Variants in KLF12 observed in about 807,000 individuals in gnomAD.
KLF12 encodes Krueppel-like factor 12.
Under a neutral mutation model 37.8 loss-of-function variants are expected in KLF12, and 9 were observed. The observed-to-expected ratio is 0.24, with a 90% confidence interval of 0.14 to 0.42. KLF12 has a LOEUF of 0.42. Among genes scored for constraint, KLF12 ranks in the 10% least tolerant of loss-of-function variants. The probability of loss-of-function intolerance (pLI) is 1.00; values close to 1 mark genes in which losing one functional copy is unlikely to be tolerated. For synonymous variants in KLF12, 208 were observed against 202.1 expected, an observed-to-expected ratio of 1.03 and a Z score of -0.25; for missense variants, 411 against 516.0, an observed-to-expected ratio of 0.80 and a Z score of 1.97.
the KLF12 span, among the ~76,000 whole-genome samples, chr13:74,305,881 A>G: frequency 6.6e-6 from 1 of 152,056 alleles, no homozygotes; most frequent in Non-Finnish European, 1.5e-5. Flanking sequence ...AACCCAGCCC[A>G]CATTAAAAAA....
chr13:73,850,389 G>C (rs1885270724), intron 3 of KLF12, among the ~76,000 whole-genome samples: 1 of 152,082 alleles, frequency 6.6e-6, no homozygotes, highest in Non-Finnish European at 1.5e-5. Flanking sequence ...AATGTCAAAT[G>C]AATCTAAAAC....
chr13:73,888,247 G>T (rs1373491165), intron 3 of KLF12, among the ~76,000 whole-genome samples: 2 of 152,060 alleles, frequency 1.3e-5, no homozygotes, highest in Admixed American at 6.6e-5. Context: ...CAAGTGATCT[G>T]CCTGCCCTAG....
At chr13:74,192,941 A>G in the KLF12 span, among the ~76,000 whole-genome samples, 6 of 151,650 alleles carry the variant, frequency 4.0e-5, no homozygotes, top group African/African-American at 1.5e-4. Context: ...TATCCTTAGA[A>G]TCAGATTGAA....
chr13:74,305,958 G>C, the KLF12 span, among the ~76,000 whole-genome samples: 10 of 152,040 alleles, frequency 6.6e-5, no homozygotes, highest in African/African-American at 2.4e-4. Context: ...TTAAGCAGGG[G>C]AAAAGGCTGG....
the KLF12 span, among the ~76,000 whole-genome samples, chr13:74,148,497 C>A: frequency 6.9e-6 from 1 of 145,330 alleles, no homozygotes; most frequent in Non-Finnish European, 1.5e-5. Flanking sequence ...CCCCCCCACC[C>A]CACCCCGCAC....
At chr13:73,794,531 A>C (rs1881858481) in intron 5 of KLF12, among the ~76,000 whole-genome samples, 1 of 152,202 alleles carries the variant, frequency 6.6e-6, no homozygotes. Context: ...TTTAGTACAG[A>C]AAACATTTAA....
chr13:74,021,696 G>A (rs73213097), intron 1 of KLF12, among the ~76,000 whole-genome samples: 3,362 of 152,198 alleles, frequency 0.022, 54 homozygotes, highest in Non-Finnish European at 0.032. Context: ...TCAGGAAGTC[G>A]CTTGCCAGTA....
the KLF12 span, among the ~76,000 whole-genome samples, chr13:74,169,001 C>T: frequency 1.3e-5 from 2 of 152,100 alleles, no homozygotes; most frequent in African/African-American, 4.8e-5. Flanking sequence ...CTGGAGACAG[C>T]AATGCTTTTA....
chr13:73,960,391 C>T (rs967092424), intron 2 of KLF12: 3 of 298,362 alleles, frequency 1.0e-5, no homozygotes, highest in South Asian at 8.6e-5. Context: ...TGTTTTCTCA[C>T]TTTTTAAAAT....
At chr13:73,962,492 G>T (rs1373970747) in intron 2 of KLF12, among the ~76,000 whole-genome samples, 3 of 152,188 alleles carry the variant, frequency 2.0e-5, no homozygotes, top group African/African-American at 7.2e-5. Context: ...GAATCACAAT[G>T]ATGTGTCAAC....
intron 3 of KLF12, among the ~76,000 whole-genome samples, chr13:73,897,001 G>A (rs2225099): frequency 0.051 from 7,798 of 152,086 alleles, 393 homozygotes; most frequent in African/African-American, 0.12. Flanking sequence ...GCAACAGGCC[G>A]GCAAAACTAA....
intron 5 of KLF12, among the ~76,000 whole-genome samples, chr13:73,779,475 G>C (rs61957284): frequency 0.015 from 2,240 of 152,346 alleles, 26 homozygotes; most frequent in Non-Finnish European, 0.021. Context: ...GGAGGATGGA[G>C]TGCCTGGAGA....
chr13:74,096,623 C>A (rs1787294591), intron 1 of KLF12, among the ~76,000 whole-genome samples: 1 of 152,116 alleles, frequency 6.6e-6, no homozygotes, highest in South Asian at 2.1e-4. Flanking sequence ...GTTTCTGTTT[C>A]CTAGGAAACT....
the KLF12 span, among the ~76,000 whole-genome samples, chr13:74,284,190 C>T: frequency 6.6e-6 from 1 of 151,972 alleles, no homozygotes; most frequent in South Asian, 2.1e-4. Context: ...TCCTTGGAGT[C>T]CTTGAAAATT....
the KLF12 span, among the ~76,000 whole-genome samples, chr13:74,196,690 C>A: frequency 6.6e-6 from 1 of 152,036 alleles, no homozygotes; most frequent in East Asian, 1.9e-4. Flanking sequence ...CCCAGTGGTA[C>A]CTTTTGTAGT....
At chr13:73,902,216 G>A (rs890516590) in intron 3 of KLF12, among the ~76,000 whole-genome samples, 3 of 152,152 alleles carry the variant, frequency 2.0e-5, no homozygotes, top group East Asian at 3.8e-4. Flanking sequence ...AAAGACTGAA[G>A]AACAGTTTTA....
At chr13:74,299,150 C>T in the KLF12 span, among the ~76,000 whole-genome samples, 6 of 152,072 alleles carry the variant, frequency 3.9e-5, no homozygotes, top group African/African-American at 9.7e-5. Flanking sequence ...ATGTTTTGGG[C>T]GGTTCAATAA....
intron 3 of KLF12, among the ~76,000 whole-genome samples, chr13:73,896,137 A>T (rs1887759834): frequency 6.6e-6 from 1 of 152,166 alleles, no homozygotes; most frequent in Admixed American, 6.5e-5. Flanking sequence ...ATACAAAGTG[A>T]TGCAACAGAA....
intron 1 of KLF12, among the ~76,000 whole-genome samples, chr13:74,083,538 A>G (rs1450862430): frequency 4.0e-5 from 6 of 149,034 alleles, no homozygotes; most frequent in Non-Finnish European, 7.5e-5. Context: ...ACACACACAC[A>G]CAAACATTTA....
Sources: allele counts gnomAD v4.1 joint callset (sites outside exome capture counted in the v4.1 genomes callset), GRCh38; gene constraint gnomAD v4.1.1; transcripts MANE v1.5; gene names NCBI Gene and HGNC (gene_info 2026-07-23, HGNC 2026-07-21).